CPED1: variants seen among roughly 807,000 people sequenced by gnomAD.
The protein encoded by CPED1 is cadherin-like and PC-esterase domain-containing protein 1.
In CPED1, 114 loss-of-function variants were observed where a neutral mutation model predicts 128.2. That is an observed-to-expected ratio of 0.89 (90% CI 0.76 to 1.04). The LOEUF (loss-of-function observed/expected upper bound fraction) is 1.04. Ranked by LOEUF, CPED1 falls within the 50% of genes least tolerant of loss-of-function variation. The probability of loss-of-function intolerance (pLI) is 0.00; values close to 1 mark genes in which losing one functional copy is unlikely to be tolerated. For synonymous variants in CPED1, 462 were observed against 426.7 expected (o/e 1.08, Z -1.02); for missense variants, 1,211 against 1,207.1 (o/e 1.00, Z -0.05).
At chr7:121,255,370 T>C (rs1798778194) in intron 18 of CPED1, among the ~76,000 whole-genome samples, 1 of 151,962 alleles carries the variant, frequency 6.6e-6, no homozygotes, top group Non-Finnish European at 1.5e-5. Flanking sequence ...TCCTTCATGA[T>C]AAAAAACTCT....
chr7:121,141,859 C>A (rs559572235), intron 15 of CPED1, 114 bp from the exon 16 acceptor site: 160 of 753,194 alleles, frequency 2.1e-4, no homozygotes, highest in Admixed American at 1.4e-3. Context: ...TTGTACAGAC[C>A]TTTCCTGTTA....
At chr7:121,064,420 A>G (rs755238052) in intron 5 of CPED1, 107 bp downstream of exon 5, 67 of 737,070 alleles carry the variant, frequency 9.1e-5, no homozygotes, top group Non-Finnish European at 1.4e-4. Context: ...TACTTTGTCT[A>G]TCAATTCGGC....
At chr7:121,185,718 C>T (rs1235957185) in intron 16 of CPED1, among the ~76,000 whole-genome samples, 2 of 152,192 alleles carry the variant, frequency 1.3e-5, no homozygotes, top group South Asian at 2.1e-4. Flanking sequence ...TGAACGTAGG[C>T]AAACTTTGCA....
intron 17 of CPED1, among the ~76,000 whole-genome samples, chr7:121,242,997 A>T (rs949642080): frequency 6.6e-6 from 1 of 152,184 alleles, no homozygotes; most frequent in Non-Finnish European, 1.5e-5. Flanking sequence ...TATAAAATGC[A>T]CTATATTCAT....
chr7:121,049,847 C>A (rs1489867623), intron 4 of CPED1, among the ~76,000 whole-genome samples: 1 of 152,164 alleles, frequency 6.6e-6, no homozygotes, highest in Non-Finnish European at 1.5e-5. Flanking sequence ...TTGGCGATGT[C>A]TAGAGATAGT....
intron 7 of CPED1, among the ~76,000 whole-genome samples, chr7:121,115,046 CTTCTG>C (rs1444228236): frequency 2.6e-5 from 4 of 152,120 alleles, no homozygotes; most frequent in Non-Finnish European, 5.9e-5. Context: ...ATGTTGGGGA[CTTCTG>C]TTCTTTATGA....
At chr7:121,192,489 A>G (rs552068256) in intron 16 of CPED1, among the ~76,000 whole-genome samples, 2 of 152,156 alleles carry the variant, frequency 1.3e-5, no homozygotes, top group Non-Finnish European at 2.9e-5. Flanking sequence ...ATGAGTGTAC[A>G]TGCTGCTTTG....
rs1795525942 is a variant in CPED1, at chr7:121,127,209, CA to C, written c.1255del (p.Ile419TyrfsTer24). On this transcript the variant is annotated frameshift_variant, in exon 10 of 23. Coordinates refer to ENST00000310396, the MANE Select transcript of CPED1 (RefSeq NM_024913.5). LOFTEE classifies it high-confidence loss of function. ...TCTTCCCTAATGAATCATCACTTTCCATATTTTCTGAGATATTTCAGAGACT... is the reference window on the plus strand; with the variant it reads ...TCTTCCCTAATGAATCATCACTTTCCTATTTTCTGAGATATTTCAGAGACT... The part of the protein sequence containing the change: ...FLFPNESSLS[I>X]FSEIFQRLYR... 1 of 1,592,592 alleles carries C rather than the reference CA, an allele frequency of 6.3e-7. No individual in the cohort carries two copies. The highest frequency in any genetic ancestry group is 1.3e-5 in the African/African-American group (1 of 74,376).
At chr7:121,263,164 C>G (rs1186794017) in intron 18 of CPED1, among the ~76,000 whole-genome samples, 1 of 152,052 alleles carries the variant, frequency 6.6e-6, no homozygotes, top group African/African-American at 2.4e-5. Context: ...AGTCACTAAT[C>G]AGCAATGGGG....
intron 2 of CPED1, among the ~76,000 whole-genome samples, chr7:121,010,430 G>A (rs1267911320): frequency 1.3e-4 from 20 of 152,012 alleles, no homozygotes; most frequent in Admixed American, 1.3e-3. Context: ...TCTATTTTTA[G>A]TAGAGACAAG....
intron 2 of CPED1, among the ~76,000 whole-genome samples, chr7:120,995,962 TCCTC>T (rs1562985580): frequency 2.8e-5 from 4 of 143,000 alleles, no homozygotes; most frequent in African/African-American, 1.1e-4. Flanking sequence ...CTCCTCCTCC[TCCTC>T]CTCCTTCTTC....
At chr7:121,106,105 T>C (rs1048580095) in intron 7 of CPED1, among the ~76,000 whole-genome samples, 12 of 152,100 alleles carry the variant, frequency 7.9e-5, no homozygotes, top group African/African-American at 2.7e-4. Flanking sequence ...CTTATTTTAA[T>C]TAAAGGTACC....
chr7:121,191,006 T>C (rs1797124122), intron 16 of CPED1, among the ~76,000 whole-genome samples: 1 of 152,178 alleles, frequency 6.6e-6, no homozygotes. Context: ...TGGCCAGTCT[T>C]GGCTGTTATA....
intron 22 of CPED1, among the ~76,000 whole-genome samples, chr7:121,280,594 T>C (rs1212122969): frequency 6.6e-6 from 1 of 152,086 alleles, no homozygotes; most frequent in Non-Finnish European, 1.5e-5. Flanking sequence ...TGCCCCCTAA[T>C]CCCCAGCATC....
intron 16 of CPED1, among the ~76,000 whole-genome samples, chr7:121,189,659 A>G (rs1047695914): frequency 6.6e-5 from 10 of 151,134 alleles, no homozygotes; most frequent in Non-Finnish European, 1.2e-4. Context: ...TTTATGAAAA[A>G]TAATGAGTTT....
intron 14 of CPED1, among the ~76,000 whole-genome samples, chr7:121,140,237 C>CTT (rs962330865): frequency 6.6e-6 from 1 of 151,918 alleles, no homozygotes; most frequent in Non-Finnish European, 1.5e-5. Context: ...GTATGTCCTT[C>CTT]TTATACTTTA....
intron 22 of CPED1, among the ~76,000 whole-genome samples, chr7:121,283,038 C>T (rs774123800): frequency 5.3e-5 from 8 of 152,128 alleles, no homozygotes; most frequent in Non-Finnish European, 2.9e-5. Context: ...AATTCTTTTT[C>T]ACTATAACAA....
chr7:121,167,372 G>A (rs1193042750), intron 16 of CPED1, among the ~76,000 whole-genome samples: 1 of 152,210 alleles, frequency 6.6e-6, no homozygotes, highest in East Asian at 1.9e-4. Flanking sequence ...ATAAGGGGCT[G>A]CCAACAGAAT....
At chr7:121,161,366 A>G (rs1457414174) in intron 16 of CPED1, among the ~76,000 whole-genome samples, 1 of 152,128 alleles carries the variant, frequency 6.6e-6, no homozygotes, top group African/African-American at 2.4e-5. Flanking sequence ...CAGTTCCCAG[A>G]GGCTGCCCAC....
Sources: gnomAD v4.1 joint callset for allele counts (sites outside exome capture counted in the v4.1 genomes callset) on GRCh38, gnomAD v4.1.1 for gene constraint, MANE v1.5 for transcripts, NCBI Gene and HGNC (gene_info 2026-07-23, HGNC 2026-07-21) for gene names.